The following MOB3B variants were observed in gnomAD, a reference collection of about 807,000 sequenced individuals.
MOB3B encodes the protein MOB kinase activator-like 2B.
In MOB3B, 7 loss-of-function variants were observed where a neutral mutation model predicts 18.7. The ratio of observed to expected loss-of-function variants is 0.37; its 90% confidence interval spans 0.21 to 0.70. The LOEUF is 0.70. Ranked by LOEUF, MOB3B falls within the 30% of genes least tolerant of loss-of-function variation. The pLI is 0.52. For synonymous variants in MOB3B, 111 were observed against 99.9 expected, an observed-to-expected ratio of 1.11 and a Z score of -0.66; for missense variants, 253 against 281.3, an observed-to-expected ratio of 0.90 and a Z score of 0.72.
intron 1 of MOB3B, among the ~76,000 whole-genome samples, chr9:27,484,510 T>G (rs554794825): frequency 2.6e-5 from 4 of 152,364 alleles, no homozygotes; most frequent in Admixed American, 6.5e-5. Flanking sequence ...TGCATTATTT[T>G]TCATTTATTT....
intron 1 of MOB3B, among the ~76,000 whole-genome samples, chr9:27,522,263 A>G (rs1349292764): frequency 4.8e-4 from 65 of 135,076 alleles, no homozygotes; most frequent in Middle Eastern, 7.5e-3. Flanking sequence ...AAAAAAAAAA[A>G]AAAGAAAAGA....
At chr9:27,413,525 C>G (rs1196329963) in intron 2 of MOB3B, among the ~76,000 whole-genome samples, 1 of 152,182 alleles carries the variant, frequency 6.6e-6, no homozygotes, top group Non-Finnish European at 1.5e-5. Flanking sequence ...AAAGCAGTTA[C>G]ATGTACGTGG....
intron 1 of MOB3B, among the ~76,000 whole-genome samples, chr9:27,498,451 G>C (rs1008071254): frequency 6.6e-6 from 1 of 152,102 alleles, no homozygotes; most frequent in African/African-American, 2.4e-5. Context: ...TTCTGCCATG[G>C]TCTTTGTAAT....
At chr9:27,524,520 G>C in intron 1 of MOB3B, 1 of 1,614,106 alleles carries the variant, frequency 6.2e-7, no homozygotes, top group Non-Finnish European at 8.5e-7. Context: ...ATGTCTACGA[G>C]AAAACATAGC....
At chr9:27,443,639 T>C (rs1201769726) in intron 2 of MOB3B, among the ~76,000 whole-genome samples, 1 of 152,172 alleles carries the variant, frequency 6.6e-6, no homozygotes, top group Admixed American at 6.5e-5. Context: ...ACTTTTCAAT[T>C]TCTTAATCAT....
chr9:27,522,242 CAAAAAAAAAAAAAA>C (rs1171362204), intron 1 of MOB3B, among the ~76,000 whole-genome samples: 6 of 56,050 alleles, frequency 1.1e-4, no homozygotes, highest in Admixed American at 3.2e-4. Context: ...CCCCGTCTCA[CAAAAAAAAAAAAAA>C]AAAAAAAAAA....
intron 2 of MOB3B, among the ~76,000 whole-genome samples, chr9:27,409,164 A>G (rs1183004191): frequency 2.0e-5 from 3 of 152,188 alleles, no homozygotes; most frequent in Non-Finnish European, 4.4e-5. Flanking sequence ...TTCAACAGAT[A>G]TTATTCATGT....
At chr9:27,342,525 T>C (rs1006326683) in intron 3 of MOB3B, among the ~76,000 whole-genome samples, 1 of 150,876 alleles carries the variant, frequency 6.6e-6, no homozygotes, top group Non-Finnish European at 1.5e-5. Flanking sequence ...AAGCCAAGGC[T>C]GGACTGTACT....
chr9:27,362,714 G>T (rs1369796410), intron 2 of MOB3B, among the ~76,000 whole-genome samples: 3 of 152,154 alleles, frequency 2.0e-5, no homozygotes, highest in Admixed American at 2.0e-4. Context: ...AACCCCACTG[G>T]GTTCTCTGCT....
chr9:27,431,048 T>G (rs974770305), intron 2 of MOB3B, among the ~76,000 whole-genome samples: 15 of 152,282 alleles, frequency 9.9e-5, no homozygotes, highest in African/African-American at 3.1e-4. Context: ...TGTAAATGAC[T>G]GCGATTTTGT....
intron 1 of MOB3B, among the ~76,000 whole-genome samples, chr9:27,463,797 C>CA (rs1267182129): frequency 1.3e-5 from 2 of 151,504 alleles, no homozygotes; most frequent in Non-Finnish European, 3.0e-5. Context: ...CTCATCTCTA[C>CA]AAAAAATACA....
At chr9:27,427,350 C>T (rs1298866832) in intron 2 of MOB3B, among the ~76,000 whole-genome samples, 2 of 152,238 alleles carry the variant, frequency 1.3e-5, no homozygotes, top group Non-Finnish European at 2.9e-5. Flanking sequence ...TGCAAGCAGG[C>T]ATGAACCACG....
intron 2 of MOB3B, among the ~76,000 whole-genome samples, chr9:27,385,128 G>A (rs575656393): frequency 1.3e-5 from 2 of 152,162 alleles, no homozygotes; most frequent in African/African-American, 2.4e-5. Context: ...GGATGAGGAG[G>A]GGGGCAAAAG....
At chr9:27,523,262 A>G (rs543741571) in intron 1 of MOB3B, among the ~76,000 whole-genome samples, 108 of 152,288 alleles carry the variant, frequency 7.1e-4, no homozygotes, top group Non-Finnish European at 1.3e-3. Context: ...CATAAACAAT[A>G]GATAGCCATC....
At chr9:27,417,764 T>C (rs960133907) in intron 2 of MOB3B, among the ~76,000 whole-genome samples, 8 of 151,830 alleles carry the variant, frequency 5.3e-5, no homozygotes, top group Admixed American at 3.3e-4. Flanking sequence ...GGTTAGAAAA[T>C]AGAAACACAA....
intron 1 of MOB3B, among the ~76,000 whole-genome samples, chr9:27,482,575 T>G (rs1819677188): frequency 6.6e-6 from 1 of 152,208 alleles, no homozygotes; most frequent in South Asian, 2.1e-4. Context: ...AAATGTTCAG[T>G]GTGGCTTCCA....
At chr9:27,355,752 C>T (rs188482578) in intron 3 of MOB3B, among the ~76,000 whole-genome samples, 401 of 151,960 alleles carry the variant, frequency 2.6e-3, no homozygotes, top group Non-Finnish European at 3.9e-3. Context: ...TTCGTAGAGA[C>T]GGGGTTTCAC....
Position 27,484,986 on chromosome 9 carries a change from C to T in MOB3B, c.-198-29238G>A, listed in dbSNP as rs550146209. On this transcript the variant is annotated intron_variant, in intron 1 of 3. Transcript: ENST00000262244. ...CCTTTAACCCTGACAACACATGAAC[C>T]ACCCCGGAAAATTGGCCTTGCCAGT... Among the ~76,000 whole-genome samples the T allele has an allele frequency of 7.6e-4, 115 of 152,202 alleles. 1 individual carries two copies. Among genetic ancestry groups the T allele is most frequent in the Admixed American group, 7.5e-3 (115 of 15,280 alleles).
intron 1 of MOB3B, among the ~76,000 whole-genome samples, chr9:27,521,955 A>G (rs923004266): frequency 7.2e-5 from 11 of 152,126 alleles, no homozygotes; most frequent in Admixed American, 7.2e-4. Flanking sequence ...TAAATAAGAA[A>G]TACTTGGCCA....
Sources: gnomAD v4.1 joint callset for allele counts (sites outside exome capture counted in the v4.1 genomes callset) on GRCh38, gnomAD v4.1.1 for gene constraint, MANE v1.5 for transcripts, NCBI Gene and HGNC (gene_info 2026-07-23, HGNC 2026-07-21) for gene names.